The following ZNF831 variants were observed in gnomAD, a reference collection of about 807,000 sequenced individuals.
ZNF831 encodes the protein zinc finger protein 831.
ZNF831 carries 59 observed loss-of-function variants against 95.8 expected under a neutral mutation model. That is an observed-to-expected ratio of 0.62 (90% CI 0.50 to 0.77). ZNF831 has a LOEUF of 0.77. Ranked by LOEUF, ZNF831 falls within the 30% of genes least tolerant of loss-of-function variation. The probability of loss-of-function intolerance (pLI) is 0.00; values close to 1 mark genes in which losing one functional copy is unlikely to be tolerated. For synonymous variants in ZNF831, 961 were observed against 925.5 expected, an observed-to-expected ratio of 1.04 and a Z score of -0.70; for missense variants, 2,205 against 2,164.0, an observed-to-expected ratio of 1.02 and a Z score of -0.38.
At position 59,211,251 on chromosome 20, in the gene ZNF831, T is replaced by G. The variant is rs143491811; in HGVS notation, c.4027+4195T>G. On this transcript the variant is annotated intron_variant, in intron 4 of 5. Coordinates refer to ENST00000371030, the MANE Select transcript of ZNF831 (RefSeq NM_178457.3). ...ATATCTATGCTTTCATGTTTGTTAT[T>G]TGAGCATCCAGTTGAACCAGGGGCC... is the stretch of plus-strand genomic sequence containing the variant. Among the ~76,000 whole-genome samples the G allele has an allele frequency of 1.9e-3, 284 of 152,294 alleles. 5 individuals are homozygous for G. Among genetic ancestry groups the G allele is most frequent in the Admixed American group, 0.015 (226 of 15,310 alleles).
At chr20:59,197,043 T>C (rs1984172457) in intron 3 of ZNF831, among the ~76,000 whole-genome samples, 2 of 151,882 alleles carry the variant, frequency 1.3e-5, no homozygotes, top group Admixed American at 1.3e-4. Context: ...CGTCTTGGCC[T>C]CCCAAAGTGC....
intron 4 of ZNF831, among the ~76,000 whole-genome samples, chr20:59,237,144 A>G (rs1987041052): frequency 6.6e-6 from 1 of 152,308 alleles, no homozygotes; most frequent in African/African-American, 2.4e-5. Flanking sequence ...ATACCTAATA[A>G]GCCTTTCCTA....
chr20:59,171,816 C>G (rs1047595136), intron 1 of ZNF831, among the ~76,000 whole-genome samples: 1 of 152,186 alleles, frequency 6.6e-6, no homozygotes. Flanking sequence ...ATATCTGTGA[C>G]TTTCTTCTTC....
intron 2 of ZNF831, among the ~76,000 whole-genome samples, chr20:59,148,039 T>C (rs1359848246): frequency 6.6e-6 from 1 of 152,238 alleles, no homozygotes; most frequent in Admixed American, 6.5e-5. Context: ...TCATGGACCC[T>C]AATTAGAAGA....
In ZNF831 at chr20:59,256,693, C is replaced by A. The variant is rs1190147767; in HGVS notation, c.*1950C>A. On this transcript the variant is annotated 3_prime_UTR_variant, in exon 6 of 6. Transcript: ENST00000371030. Reference sequence around the variant, plus strand: ...ATGGACTCAATGGCTTGAAGATATTCCCCATGGGGAACCATTGCCACGGAG... The same window carrying A: ...ATGGACTCAATGGCTTGAAGATATTACCCATGGGGAACCATTGCCACGGAG... The A allele has an allele frequency of 6.6e-6, 1 of 152,198 alleles. No homozygotes were observed. The highest frequency in any genetic ancestry group is 1.5e-5 in the Non-Finnish European group (1 of 68,042). 9.4% of individuals were successfully genotyped at this position (152,198 alleles called of 1,614,324 possible).
chr20:59,170,602 C>G lies in ZNF831; in HGVS notation c.-37+6395C>G, dbSNP rs180702199. Among the ~76,000 whole-genome samples the G allele has an allele frequency of 2.2e-3, 342 of 152,248 alleles. 3 individuals are homozygous for G. The highest frequency in any genetic ancestry group is 7.9e-3 in the African/African-American group (327 of 41,524). On this transcript the variant is annotated intron_variant, in intron 1 of 5. Coordinates refer to ENST00000371030, the MANE Select transcript of ZNF831 (RefSeq NM_178457.3). ...CTGGGTCCAATCAGGAAGTAGGAGCCATACAATAGGCTAAATGAGAGAAGC... is the reference window on the plus strand; with the variant it reads ...CTGGGTCCAATCAGGAAGTAGGAGCGATACAATAGGCTAAATGAGAGAAGC...
In ZNF831 at chr20:59,192,501, C is replaced by G; in HGVS notation, c.1482C>G (p.Thr494=). 6.4e-7 allele frequency: 1 copy of G among 1,553,534 alleles called. No individual in the cohort carries two copies. The highest frequency in any genetic ancestry group is 8.7e-7 in the Non-Finnish European group (1 of 1,150,956). ...FFHSVPTQLS[T]TVECVPVTRS... is the part of the protein sequence containing the mutation. ...ACTCCGTCCCCACTCAGCTCTCCAC[C>G]ACCGTGGAATGTGTCCCCGTCACCA... Residue 494 remains threonine, a synonymous_variant, in exon 2 of 6, where the codon ACC becomes ACG. Transcript: ENST00000371030. This position sits in a 1 kb window ranked among gnomAD's most constrained non-coding sequence, Gnocchi z 5.2.
At chr20:59,185,088 A>AG (rs1982907977) in intron 1 of ZNF831, among the ~76,000 whole-genome samples, 1 of 152,146 alleles carries the variant, frequency 6.6e-6, no homozygotes, top group Non-Finnish European at 1.5e-5. Context: ...TCGCTCAAAG[A>AG]GGTAAGCCTT....
At chr20:59,174,673 C>G (rs1368991552) in intron 1 of ZNF831, among the ~76,000 whole-genome samples, 1 of 151,950 alleles carries the variant, frequency 6.6e-6, no homozygotes, top group East Asian at 1.9e-4. Flanking sequence ...CATGTACGCA[C>G]CACTGATCAA....
intron 1 of ZNF831, among the ~76,000 whole-genome samples, chr20:59,171,280 G>A (rs1475812593): frequency 1.3e-5 from 2 of 152,206 alleles, no homozygotes; most frequent in Non-Finnish European, 2.9e-5. Context: ...GAAAAACTTA[G>A]CACTGTGTCC....
chr20:59,183,325 G>A (rs1380010325), intron 1 of ZNF831, among the ~76,000 whole-genome samples: 3 of 152,360 alleles, frequency 2.0e-5, no homozygotes, highest in East Asian at 1.9e-4. Flanking sequence ...GGACTAGGGA[G>A]CATGTTGCTG....
In ZNF831 at chr20:59,257,338, T is replaced by A. The variant is rs1988232113; in HGVS notation, c.*2595T>A. On this transcript the variant is annotated 3_prime_UTR_variant, in exon 6 of 6. Transcript: ENST00000371030. ...AAAAGCTGTATGTCAATGGATTTTT[T>A]AAAAATTAAAAATGTATTTTGAATG... 6.6e-6 allele frequency: 1 copy of A among 152,180 alleles called. No homozygotes were observed. Among genetic ancestry groups the A allele is most frequent in the African/African-American group, 2.4e-5 (1 of 41,438 alleles). 9.4% of individuals were successfully genotyped at this position (152,180 alleles called of 1,614,324 possible). A position where few individuals can be genotyped will look rare whatever the true frequency, so the allele number is the denominator to read the frequency against.
chr20:59,223,229 C>G (rs1438652804), intron 4 of ZNF831, among the ~76,000 whole-genome samples: 5 of 152,102 alleles, frequency 3.3e-5, no homozygotes, highest in African/African-American at 1.2e-4. Context: ...GCCGAAGGCT[C>G]TATTGGGTGC....
intron 4 of ZNF831, among the ~76,000 whole-genome samples, chr20:59,250,425 G>C (rs1210038629): frequency 6.6e-6 from 1 of 152,162 alleles, no homozygotes; most frequent in Admixed American, 6.6e-5. Flanking sequence ...CACTGAAACA[G>C]GGCAACCACA....
Position 59,191,777 on chromosome 20 carries a change from C to T in ZNF831, c.758C>T (p.Pro253Leu), listed in dbSNP as rs2146553516. ...ERPLSPGAHV[P>L]LLAKNLDVRT... is the part of the protein sequence containing the mutation. ...CCCCTTTCTCCGGGTGCCCACGTGC[C>T]CCTACTTGCCAAGAACCTGGATGTG... Residue 253 changes from proline to leucine, a missense_variant, in exon 2 of 6, where the codon CCC (proline) becomes CTC (leucine). Coordinates refer to ENST00000371030, the MANE Select transcript of ZNF831 (RefSeq NM_178457.3). 6.2e-7 allele frequency: 1 copy of T among 1,611,902 alleles called. No homozygotes were observed. The highest frequency in any genetic ancestry group is 1.7e-5 in the Admixed American group (1 of 59,818).
rs2146545254 is a variant in ZNF831 at position 59,191,272 on chromosome 20, G to A, written c.253G>A (p.Gly85Ser). The A allele has an allele frequency of 1.3e-6, 2 of 1,560,402 alleles. No individual in the cohort carries two copies. The highest frequency in any genetic ancestry group is 1.4e-5 in the African/African-American group (1 of 73,498). ...APLVTGSLDG[G>S]NVPFILSPVL... The stretch of plus-strand genomic sequence containing the variant: ...GCTAGTGACGGGCAGCCTAGATGGG[G>A]GCAACGTGCCCTTCATACTCAGCCC... Residue 85 changes from glycine to serine, a missense_variant, in exon 2 of 6, where the codon GGC becomes AGC. Gly to Ser is a moderately conservative substitution (Grantham distance 56). Transcript: ENST00000371030.
At position 59,191,835 on chromosome 20, in the gene ZNF831, A is replaced by G. The variant is rs1183575236; in HGVS notation, c.816A>G (p.Ala272=). The change falls in exon 2 of 6, where the codon GCA becomes GCG. Residue 272 remains alanine (A), a synonymous_variant. Transcript: ENST00000371030. ...AAGCTGCTCCCTGTCCAGGGTCCGC[A>G]TTTGCCGACAGAGAGGCTCCTTGGG... ...RTEAAPCPGS[A]FADREAPWDS... 2 of 1,613,452 alleles carry G rather than the reference A, an allele frequency of 1.2e-6. No individual in the cohort carries two copies. The highest frequency in any genetic ancestry group is 1.7e-6 in the Non-Finnish European group (2 of 1,179,960).
rs35635821 is a variant in ZNF831, at chr20:59,148,679, CAAAAAAAAAAAAAAAAAAAAAAAAAAAA to C, written c.-1281+2323_-1281+2350del. Among the ~76,000 whole-genome samples the C allele has an allele frequency of 7.4e-4, 12 of 16,216 alleles. No individual in the cohort carries two copies. The East Asian group carries it at 0.011, about 14-fold the overall frequency. The allele number at this position is 16,216 out of a possible 152,430, so 10.6% of individuals were successfully genotyped here. A position where few individuals can be genotyped will look rare whatever the true frequency, so the allele number is the denominator to read the frequency against. ...TGGGCGACAGAGCGAAACTCCGTCT[CAAAAAAAAAAAAAAAAAAAAAAAAAAAA>C]AAAAAAAAAAAAAAAAAGAACAGAG... On this transcript the variant is annotated intron_variant, in intron 2 of 7. Transcript: ENST00000637017.
chr20:59,211,049 G>GAAAAA (rs529852271), intron 4 of ZNF831, among the ~76,000 whole-genome samples: 1 of 60,726 alleles, frequency 1.6e-5, no homozygotes, highest in Non-Finnish European at 2.8e-5. Flanking sequence ...CAAAAAAAAA[G>GAAAAA]AAAAAAAAAA....
Sources: allele counts gnomAD v4.1 joint callset (sites outside exome capture counted in the v4.1 genomes callset), GRCh38; gene constraint gnomAD v4.1.1; non-coding constraint Gnocchi (gnomAD v3.1); transcripts MANE v1.5; gene names NCBI Gene and HGNC (gene_info 2026-07-23, HGNC 2026-07-21).